The following TCEA2 variants were observed in gnomAD, a reference collection of about 807,000 sequenced individuals.
TCEA2 encodes the protein transcription elongation factor A2.
A neutral mutation model predicts 40.8 loss-of-function variants in TCEA2; 21 were observed. That is an observed-to-expected ratio of 0.51 (90% CI 0.36 to 0.74). TCEA2 has a LOEUF of 0.74. Among genes scored for constraint, TCEA2 ranks in the 30% least tolerant of loss-of-function variants. The pLI is 0.00. For missense variants in TCEA2, 326 were observed against 426.5 expected, an observed-to-expected ratio of 0.76 and a Z score of 2.08; for synonymous variants, 165 against 162.7, an observed-to-expected ratio of 1.01 and a Z score of -0.11.
upstream of TCEA2, among the ~76,000 whole-genome samples, chr20:64,060,314 T>C (rs548801604): frequency 1.3e-5 from 2 of 152,252 alleles, no homozygotes; most frequent in South Asian, 4.2e-4. Flanking sequence ...CACTCGGCCG[T>C]TGGAGAAGCC....
chr20:64,055,990 AG>A (rs1350419411), upstream of TCEA2, among the ~76,000 whole-genome samples: 1 of 151,686 alleles, frequency 6.6e-6, no homozygotes, highest in Non-Finnish European at 1.5e-5. The surrounding 1 kb of genome is among the most constrained non-coding windows in gnomAD (Gnocchi z 4.0). Flanking sequence ...GGGGAAGGGG[AG>A]GGTGGAGTGG....
upstream of TCEA2, among the ~76,000 whole-genome samples, chr20:64,059,836 T>C (rs980560176): frequency 6.6e-6 from 1 of 151,648 alleles, no homozygotes; most frequent in African/African-American, 2.4e-5. Flanking sequence ...CTGGGGAGGG[T>C]CAAGGCTGGG....
intron 8 of TCEA2, among the ~76,000 whole-genome samples, chr20:64,071,646 G>T (rs1193521493): frequency 6.6e-6 from 1 of 152,222 alleles, no homozygotes; most frequent in East Asian, 1.9e-4. Context: ...CTGGTCCCCA[G>T]CCAATGTGAG....
At chr20:64,061,591 A>G (rs2059566225), upstream of TCEA2, among the ~76,000 whole-genome samples, 1 of 151,916 alleles carries the variant, frequency 6.6e-6, no homozygotes, top group Non-Finnish European at 1.5e-5. Flanking sequence ...TTGTATTTCT[A>G]GCAGAGACAG....
rs568391078 is a variant in TCEA2 at position 64,066,459 on chromosome 20, C to T, written c.73-17C>T. ...GAGATCTAAAGTCCTTTATGAAGGTCCTCCTTCTCCTTCCAGGAGGGAGCC... is the reference window on the plus strand; with the variant it reads ...GAGATCTAAAGTCCTTTATGAAGGTTCTCCTTCTCCTTCCAGGAGGGAGCC... On this transcript the variant is annotated splice_polypyrimidine_tract_variant and intron_variant, in intron 1 of 9. Transcript: ENST00000343484. 5.0e-6 allele frequency: 8 copies of T among 1,613,132 alleles called. No individual in the cohort carries two copies. The African/African-American group carries it at 5.3e-5, about 11-fold the overall frequency.
intron 6 of TCEA2, 180 bp from the exon 7 acceptor site, chr20:64,070,080 C>T (rs1255095844): frequency 2.0e-6 from 2 of 995,700 alleles, no homozygotes; most frequent in Non-Finnish European, 1.5e-6. Context: ...CAGGAATGGG[C>T]CTGGGGCAGG....
chr20:64,059,022 C>T (rs1040756328), upstream of TCEA2, among the ~76,000 whole-genome samples: 1 of 152,058 alleles, frequency 6.6e-6, no homozygotes, highest in Non-Finnish European at 1.5e-5. Context: ...GTAACCTCGT[C>T]TCTACTAAAA....
At chr20:64,072,017 G>C in intron 9 of TCEA2, 76 bp downstream of exon 9, 1 of 1,605,298 alleles carries the variant, frequency 6.2e-7, no homozygotes, top group Non-Finnish European at 8.5e-7. Context: ...TGTGGGGTCT[G>C]TGGTGTGAAC....
upstream of TCEA2, chr20:64,057,138 C>T (rs1220695742): frequency 6.6e-6 from 1 of 152,170 alleles, no homozygotes; most frequent in Non-Finnish European, 1.5e-5. Context: ...TGTGGCAGCT[C>T]CTAGTCAGGA....
chr20:64,055,805 G>A (rs1176024894), upstream of TCEA2, among the ~76,000 whole-genome samples: 3 of 152,108 alleles, frequency 2.0e-5, no homozygotes, highest in Non-Finnish European at 4.4e-5. This position sits in a 1 kb window ranked among gnomAD's most constrained non-coding sequence, Gnocchi z 4.0. Context: ...GCGGGAGCCT[G>A]GCCAAGGTTT....
upstream of TCEA2, among the ~76,000 whole-genome samples, chr20:64,059,365 G>T (rs2059520795): frequency 6.6e-6 from 1 of 151,748 alleles, no homozygotes; most frequent in African/African-American, 2.4e-5. Context: ...GTATGTCTCT[G>T]TCCCACCCCA....
At chr20:64,066,837 C>T in intron 2 of TCEA2, 78 bp from the exon 3 acceptor site, 1 of 1,417,064 alleles carries the variant, frequency 7.1e-7, no homozygotes, top group Non-Finnish European at 9.8e-7. Flanking sequence ...CCTGTGGGGG[C>T]CACCAAGGCT....
intron 8 of TCEA2, 149 bp from the exon 9 acceptor site, chr20:64,071,721 G>C (rs983461785): frequency 1.2e-6 from 1 of 834,618 alleles, no homozygotes; most frequent in Middle Eastern, 3.6e-4. Context: ...CGGAGGCTCA[G>C]CTTTGGAAGG....
intron 9 of TCEA2, 95 bp downstream of exon 9, chr20:64,072,036 G>A (rs1343735935): frequency 6.3e-7 from 1 of 1,596,384 alleles, no homozygotes; most frequent in Non-Finnish European, 8.6e-7. Context: ...ACTGGGGATG[G>A]CCCTGCCCAA....
At chr20:64,061,119 T>TTTG (rs1207851552), upstream of TCEA2, among the ~76,000 whole-genome samples, 19 of 144,514 alleles carry the variant, frequency 1.3e-4, no homozygotes, top group South Asian at 2.2e-4. Flanking sequence ...TTTTTTTTTT[T>TTTG]GGAGACAGTC....
In TCEA2 at chr20:64,072,321, C is replaced by G; in HGVS notation, c.*141C>G. 1.1e-6 allele frequency: 1 copy of G among 915,764 alleles called. No homozygotes were observed. Among genetic ancestry groups the G allele is most frequent in the Non-Finnish European group, 1.7e-6 (1 of 596,714 alleles). The allele number at this position is 915,764 out of a possible 1,614,324, so 56.7% of individuals were successfully genotyped here. On this transcript the variant is annotated 3_prime_UTR_variant, in exon 10 of 10. Coordinates refer to ENST00000343484, the MANE Select transcript of TCEA2 (RefSeq NM_003195.6). ...GATTGCACCTTTCTGCCCTTTCCCC[C>G]TCATTATTAAATGTTTCTTTTTGCC...
intron 3 of TCEA2, 47 bp from the exon 4 acceptor site, chr20:64,068,000 C>T (rs1237492160): frequency 4.1e-6 from 6 of 1,468,666 alleles, no homozygotes; most frequent in Non-Finnish European, 5.6e-6. Context: ...TGTGCCCCTC[C>T]CTCCTCTGCC....
chr20:64,066,840 C>T lies in TCEA2; in HGVS notation c.136-75C>T, dbSNP rs959181923. ...CCGGGCTCCTGTCCTGTGGGGGCCACCAAGGCTCTGCCAGGAGAATCTGAC... is the reference window on the plus strand; with the variant it reads ...CCGGGCTCCTGTCCTGTGGGGGCCATCAAGGCTCTGCCAGGAGAATCTGAC... On this transcript the variant is annotated intron_variant, in intron 2 of 9. Transcript: ENST00000343484. 4 of 1,454,120 alleles carry T rather than the reference C, an allele frequency of 2.8e-6. No individual in the cohort carries two copies. The African/African-American group carries it at 5.6e-5, about 20-fold the overall frequency. The allele number at this position is 1,454,120 out of a possible 1,614,324, so 90.1% of individuals were successfully genotyped here.
chr20:64,070,669 G>A (rs376371800), intron 8 of TCEA2, 34 bp downstream of exon 8: 17 of 1,507,456 alleles, frequency 1.1e-5, no homozygotes, highest in East Asian at 4.9e-5. Context: ...CCCCGGGCCC[G>A]GTGTCTTCAG....
Sources: allele counts gnomAD v4.1 joint callset (sites outside exome capture counted in the v4.1 genomes callset), GRCh38; gene constraint gnomAD v4.1.1; non-coding constraint Gnocchi (gnomAD v3.1); transcripts MANE v1.5; gene names NCBI Gene and HGNC (gene_info 2026-07-23, HGNC 2026-07-21).